The following EPM2A variants were observed in gnomAD, a reference collection of about 807,000 sequenced individuals.
EPM2A encodes the protein laforin.
A neutral mutation model predicts 26.5 loss-of-function variants in EPM2A; 21 were observed. That is an observed-to-expected ratio of 0.79 (90% CI 0.56 to 1.14). The LOEUF is 1.14. EPM2A is among the 50% of genes most tolerant of loss of function. The probability of loss-of-function intolerance (pLI) is 0.00; values close to 1 mark genes in which losing one functional copy is unlikely to be tolerated. For missense variants in EPM2A, 458 were observed against 440.8 expected (o/e 1.04, Z -0.35); for synonymous variants, 217 against 177.6 (o/e 1.22, Z -1.76).
chr6:145,638,682 T>C (rs1320355749), intron 2 of EPM2A: 1 of 152,186 alleles, frequency 6.6e-6, no homozygotes, highest in African/African-American at 2.4e-5. Context: ...TATTGAAAGA[T>C]AGAAAAGTAA....
At chr6:145,727,635 C>G (rs144597362) in intron 1 of EPM2A, among the ~76,000 whole-genome samples, 1 of 152,200 alleles carries the variant, frequency 6.6e-6, no homozygotes, top group Admixed American at 6.5e-5. Flanking sequence ...AGTCCCTACA[C>G]TCATAGAGTT....
At chr6:145,671,194 T>TA (rs560059399) in intron 2 of EPM2A, 14,211 of 763,566 alleles carry the variant, frequency 0.019, 4 homozygotes, top group East Asian at 0.035. Context: ...GCGAGCAAAG[T>TA]AAAAAAAAAA....
intron 2 of EPM2A, among the ~76,000 whole-genome samples, chr6:145,565,581 A>T (rs569278162): frequency 4.4e-4 from 67 of 152,306 alleles, no homozygotes; most frequent in Non-Finnish European, 7.6e-4. Flanking sequence ...CAGGGCCATG[A>T]CCAAGAAACT....
At chr6:145,421,700 C>G (rs1046976068) in intron 4 of EPM2A, among the ~76,000 whole-genome samples, 1 of 151,540 alleles carries the variant, frequency 6.6e-6, no homozygotes, top group Non-Finnish European at 1.5e-5. Context: ...TATAAACAGA[C>G]TAGCTTTTAA....
intron 4 of EPM2A, among the ~76,000 whole-genome samples, chr6:145,466,231 G>A (rs913670634): frequency 9.5e-5 from 14 of 148,012 alleles, no homozygotes; most frequent in African/African-American, 1.2e-4. Flanking sequence ...GAAAATTTTC[G>A]CAACCTACTC....
intron 4 of EPM2A, among the ~76,000 whole-genome samples, chr6:145,475,143 C>A (rs1271791196): frequency 1.3e-5 from 2 of 152,166 alleles, no homozygotes; most frequent in Non-Finnish European, 2.9e-5. Flanking sequence ...GATTATAAAT[C>A]ATTCTACTAT....
intron 2 of EPM2A, among the ~76,000 whole-genome samples, chr6:145,674,067 G>A (rs1779846280): frequency 6.6e-6 from 1 of 152,096 alleles, no homozygotes; most frequent in Non-Finnish European, 1.5e-5. Flanking sequence ...ACAGGCGGGT[G>A]CCCCTCTGGG....
chr6:145,720,257 G>A (rs1455144084), intron 1 of EPM2A, among the ~76,000 whole-genome samples: 1 of 152,058 alleles, frequency 6.6e-6, no homozygotes, highest in Non-Finnish European at 1.5e-5. Context: ...TTTCTTTTAT[G>A]GGATACTTCT....
chr6:145,402,339 C>T (rs1778501675), intron 4 of EPM2A, among the ~76,000 whole-genome samples: 1 of 152,006 alleles, frequency 6.6e-6, no homozygotes, highest in Non-Finnish European at 1.5e-5. Context: ...AGGGAATTTC[C>T]ACAAAATAAC....
intron 4 of EPM2A, among the ~76,000 whole-genome samples, chr6:145,446,286 A>G (rs1779127944): frequency 6.6e-6 from 1 of 152,228 alleles, no homozygotes; most frequent in Non-Finnish European, 1.5e-5. Flanking sequence ...ATAATATGCT[A>G]TGTAGCAAAA....
intron 2 of EPM2A, among the ~76,000 whole-genome samples, chr6:145,539,789 C>T (rs1780482179): frequency 6.6e-6 from 1 of 152,116 alleles, no homozygotes; most frequent in African/African-American, 2.4e-5. Flanking sequence ...TGAAGGGCTA[C>T]CTCTCCCAGG....
At chr6:145,728,555 G>A (rs1776327654) in intron 1 of EPM2A, among the ~76,000 whole-genome samples, 1 of 152,218 alleles carries the variant, frequency 6.6e-6, no homozygotes, top group African/African-American at 2.4e-5. Context: ...TGAGAAAGAT[G>A]ATTTAGGGTA....
At chr6:145,676,206 T>A (rs998540101) in intron 2 of EPM2A, among the ~76,000 whole-genome samples, 3 of 152,138 alleles carry the variant, frequency 2.0e-5, no homozygotes, top group Admixed American at 2.0e-4. Flanking sequence ...AAGGCAGAAA[T>A]AAAGATGTTC....
chr6:145,530,068 T>C (rs566149110), intron 2 of EPM2A, among the ~76,000 whole-genome samples: 1 of 152,318 alleles, frequency 6.6e-6, no homozygotes, highest in South Asian at 2.1e-4. Flanking sequence ...CTGACTTCAC[T>C]TACTTAGCCA....
chr6:145,656,693 A>G (rs992576159), intron 2 of EPM2A, among the ~76,000 whole-genome samples: 1 of 152,164 alleles, frequency 6.6e-6, no homozygotes, highest in Non-Finnish European at 1.5e-5. Flanking sequence ...GGTTGACATG[A>G]TTATAGTGCT....
intron 4 of EPM2A, among the ~76,000 whole-genome samples, chr6:145,483,072 G>C (rs1480045147): frequency 2.0e-5 from 3 of 151,948 alleles, no homozygotes; most frequent in Non-Finnish European, 4.4e-5. Context: ...GTATTGACAC[G>C]ATGTTAATGA....
intron 1 of EPM2A, among the ~76,000 whole-genome samples, chr6:145,729,242 C>G (rs974232197): frequency 1.3e-5 from 2 of 152,160 alleles, no homozygotes; most frequent in Admixed American, 1.3e-4. Flanking sequence ...TGAGTTGGAG[C>G]CCCCAAACAG....
intron 1 of EPM2A, among the ~76,000 whole-genome samples, chr6:145,710,165 T>A (rs55788554): frequency 0.43 from 65,758 of 151,652 alleles, 15,296 homozygotes; most frequent in Non-Finnish European, 0.52. Context: ...GAAACTACCA[T>A]CAGAGTGAAC....
Position 145,626,469 on chromosome 6 carries a change from C to T in EPM2A, c.*947G>A, listed in dbSNP as rs1051650373. 8.1e-6 allele frequency: 8 copies of T among 985,772 alleles called. No individual in the cohort carries two copies. In the African/African-American group the frequency reaches 1.2e-4, roughly 15 times the overall value. The allele number at this position is 985,772 out of a possible 1,614,324, so 61.1% of individuals were successfully genotyped here. A position where few individuals can be genotyped will look rare whatever the true frequency, so the allele number is the denominator to read the frequency against. The stretch of plus-strand genomic sequence containing the variant: ...TTAAATTAGCTTGCACAAAATACAA[C>T]TAATTTCCTAGATTCTTTGGCAACT... On this transcript the variant is annotated 3_prime_UTR_variant, in exon 4 of 4. Coordinates refer to ENST00000367519, the MANE Select transcript of EPM2A (RefSeq NM_005670.4).
Sources: gnomAD v4.1 joint callset for allele counts (sites outside exome capture counted in the v4.1 genomes callset) on GRCh38, gnomAD v4.1.1 for gene constraint, MANE v1.5 for transcripts, NCBI Gene and HGNC (gene_info 2026-07-23, HGNC 2026-07-21) for gene names.